The following CBLB variants were observed in gnomAD, a reference collection of about 807,000 sequenced individuals.
CBLB encodes the protein Cbl proto-oncogene B.
A neutral mutation model predicts 104.9 loss-of-function variants in CBLB; 31 were observed. That is an observed-to-expected ratio of 0.30 (90% confidence interval 0.22 to 0.40). The LOEUF (loss-of-function observed/expected upper bound fraction) is 0.40, where lower values mean the gene tolerates loss of function less well. Ranked by LOEUF, CBLB falls within the 10% of genes least tolerant of loss-of-function variation. The probability of loss-of-function intolerance (pLI) is 1.00; values close to 1 mark genes in which losing one functional copy is unlikely to be tolerated. For synonymous variants in CBLB, 440 were observed against 422.6 expected (o/e 1.04, Z -0.51); for missense variants, 1,062 against 1,214.6 (o/e 0.87, Z 1.87).
intron 17 of CBLB, among the ~76,000 whole-genome samples, chr3:105,677,134 A>G (rs1234026733): frequency 6.6e-6 from 1 of 152,170 alleles, no homozygotes; most frequent in Non-Finnish European, 1.5e-5. Context: ...CATTGGCAGA[A>G]TCCAGTAAAC....
chr3:105,784,638 C>T (rs1239755491), intron 3 of CBLB, among the ~76,000 whole-genome samples: 1 of 152,122 alleles, frequency 6.6e-6, no homozygotes, highest in African/African-American at 2.4e-5. Context: ...TGATCCTCCA[C>T]CTTAATTTTA....
chr3:105,818,578 A>AC (rs2085379497), intron 3 of CBLB, among the ~76,000 whole-genome samples: 1 of 152,180 alleles, frequency 6.6e-6, no homozygotes, highest in Admixed American at 6.5e-5. Flanking sequence ...ACTCAAACTT[A>AC]CCAGCAAAAA....
chr3:105,739,699 G>C (rs2152876172), intron 7 of CBLB, among the ~76,000 whole-genome samples: 1 of 152,148 alleles, frequency 6.6e-6, no homozygotes, highest in East Asian at 1.9e-4. Flanking sequence ...CCTGAATATG[G>C]AGTTATTATT....
intron 12 of CBLB, among the ~76,000 whole-genome samples, chr3:105,701,792 TACC>T (rs1160812794): frequency 6.6e-6 from 1 of 151,106 alleles, no homozygotes; most frequent in East Asian, 1.9e-4. Flanking sequence ...AGGCTGATTA[TACC>T]ACCACTAAGT....
At chr3:105,705,634 T>A (rs570802937) in intron 10 of CBLB, among the ~76,000 whole-genome samples, 1 of 152,310 alleles carries the variant, frequency 6.6e-6, no homozygotes, top group East Asian at 1.9e-4. Context: ...TTTGACCACA[T>A]CATATCAAGG....
Position 105,802,973 on chromosome 3 carries a change from T to A in CBLB, c.420-26431A>T, listed in dbSNP as rs776376475. 4.9e-4 allele frequency among the ~76,000 whole-genome samples: 75 copies of A among 152,218 alleles called. 1 individual carries two copies. Among genetic ancestry groups the A allele is most frequent in the Admixed American group, 1.4e-3 (21 of 15,274 alleles). On this transcript the variant is annotated intron_variant, in intron 3 of 18. Transcript: ENST00000394030. ...ATTCTAAAAATAAAACCCCTTTGCTTAGATACTGAAGCAGGTACTATTTAA... is the reference window on the plus strand; with the variant it reads ...ATTCTAAAAATAAAACCCCTTTGCTAAGATACTGAAGCAGGTACTATTTAA...
At chr3:105,840,532 C>T (rs1014382534) in intron 3 of CBLB, among the ~76,000 whole-genome samples, 15 of 152,170 alleles carry the variant, frequency 9.9e-5, no homozygotes, top group African/African-American at 3.6e-4. Flanking sequence ...TTGAAAAAGG[C>T]ATTATAATTC....
At chr3:105,802,510 T>C (rs1399127533) in intron 3 of CBLB, among the ~76,000 whole-genome samples, 2 of 152,182 alleles carry the variant, frequency 1.3e-5, no homozygotes, top group Non-Finnish European at 2.9e-5. Context: ...GGAAGTCCCA[T>C]ACACTAATGT....
intron 14 of CBLB, among the ~76,000 whole-genome samples, chr3:105,683,639 G>C (rs2066607160): frequency 6.6e-6 from 1 of 152,130 alleles, no homozygotes; most frequent in South Asian, 2.1e-4. Context: ...ATTTGTAAGA[G>C]CCAAAGAACC....
intron 12 of CBLB, 97 bp from the exon 13 acceptor site, chr3:105,693,685 C>A: frequency 1.3e-6 from 1 of 783,206 alleles, no homozygotes; most frequent in South Asian, 1.5e-5. Context: ...TATGTAAGTT[C>A]AGTATATTTA....
At chr3:105,838,709 G>A (rs1355127136) in intron 3 of CBLB, among the ~76,000 whole-genome samples, 1 of 147,022 alleles carries the variant, frequency 6.8e-6, no homozygotes. Flanking sequence ...GAGTGTAGTA[G>A]TGTGAACTCG....
intron 13 of CBLB, among the ~76,000 whole-genome samples, chr3:105,689,787 T>C (rs1419991364): frequency 2.0e-5 from 3 of 151,878 alleles, no homozygotes; most frequent in African/African-American, 7.2e-5. Flanking sequence ...AAAAAATAAT[T>C]ACCCATGTTT....
intron 9 of CBLB, among the ~76,000 whole-genome samples, chr3:105,729,545 A>G (rs1032025842): frequency 6.6e-6 from 1 of 152,126 alleles, no homozygotes; most frequent in Non-Finnish European, 1.5e-5. Flanking sequence ...ATGAGGAAAA[A>G]ATTGAACAAG....
intron 2 of CBLB, among the ~76,000 whole-genome samples, chr3:105,867,089 C>T (rs2092467808): frequency 6.6e-6 from 1 of 152,138 alleles, no homozygotes; most frequent in Admixed American, 6.5e-5. Context: ...AGCAACACAA[C>T]CTCACAGAAG....
intron 3 of CBLB, among the ~76,000 whole-genome samples, chr3:105,777,868 C>T (rs1291912580): frequency 6.6e-6 from 1 of 152,142 alleles, no homozygotes; most frequent in Non-Finnish European, 1.5e-5. Flanking sequence ...ATAATCCTTG[C>T]TAACATTTCT....
At chr3:105,781,272 T>G (rs1415259610) in intron 3 of CBLB, among the ~76,000 whole-genome samples, 1 of 152,206 alleles carries the variant, frequency 6.6e-6, no homozygotes, top group Non-Finnish European at 1.5e-5. Context: ...GGGATTCAAC[T>G]AGAATGTGGA....
chr3:105,787,045 G>A (rs1398269232), intron 3 of CBLB, among the ~76,000 whole-genome samples: 1 of 152,100 alleles, frequency 6.6e-6, no homozygotes, highest in Non-Finnish European at 1.5e-5. Context: ...ACTATGCCAG[G>A]TAGTTTTTTT....
At chr3:105,768,407 T>A (rs957689866) in intron 4 of CBLB, among the ~76,000 whole-genome samples, 2 of 152,190 alleles carry the variant, frequency 1.3e-5, no homozygotes, top group African/African-American at 4.8e-5. Context: ...CCAATTTGAC[T>A]GAAGAACAGA....
intron 4 of CBLB, among the ~76,000 whole-genome samples, chr3:105,761,876 A>C (rs1323866395): frequency 6.6e-6 from 1 of 152,162 alleles, no homozygotes; most frequent in Non-Finnish European, 1.5e-5. Flanking sequence ...ACACTTGTTG[A>C]ATGGTTTTGA....
Sources: gnomAD v4.1 joint callset for allele counts (sites outside exome capture counted in the v4.1 genomes callset) on GRCh38, gnomAD v4.1.1 for gene constraint, MANE v1.5 for transcripts, NCBI Gene and HGNC (gene_info 2026-07-23, HGNC 2026-07-21) for gene names.